The following IPO8 variants were observed in gnomAD, a reference collection of about 807,000 sequenced individuals.
The protein encoded by IPO8 is importin-8.
Under a neutral mutation model 141.2 loss-of-function variants are expected in IPO8, and 65 were observed. That is an observed-to-expected ratio of 0.46 (90% CI 0.38 to 0.57). The LOEUF (loss-of-function observed/expected upper bound fraction) is 0.57, where lower values mean the gene tolerates loss of function less well. Ranked by LOEUF, IPO8 falls within the 20% of genes least tolerant of loss-of-function variation. The pLI, the probability that IPO8 is intolerant of heterozygous loss-of-function variation, is 0.00. For synonymous variants in IPO8, 411 were observed against 420.3 expected (o/e 0.98, Z 0.27); for missense variants, 980 against 1,246.8 (o/e 0.79, Z 3.22).
chr12:30,664,958 T>C (rs539381726), intron 13 of IPO8, among the ~76,000 whole-genome samples: 1 of 152,306 alleles, frequency 6.6e-6, no homozygotes, highest in African/African-American at 2.4e-5. Flanking sequence ...CAGGCTGGTC[T>C]CAAACTCCCG....
At chr12:30,633,241 T>C (rs2136122335) in intron 23 of IPO8, among the ~76,000 whole-genome samples, 1 of 152,324 alleles carries the variant, frequency 6.6e-6, no homozygotes, top group Middle Eastern at 3.4e-3. Flanking sequence ...AATATTGCCT[T>C]ATTAGTAAAA....
Position 30,634,239 on chromosome 12 carries a change from T to C in IPO8, c.2743A>G (p.Met915Val), listed in dbSNP as rs764390668. Residue 915 changes from methionine to valine, a missense_variant, in exon 23 of 25, where the codon ATG becomes GTG. By Grantham distance (21) the Met-to-Val change is conservative. This residue lies in a region of IPO8 where 924 missense variants were observed against 1,153.9 expected (regional missense o/e 0.80). Coordinates refer to ENST00000256079, the MANE Select transcript of IPO8 (RefSeq NM_006390.4). ...TCACCTCTTCCATTATTTGACTGCA[T>C]TGCTTGAGCAGTTACATTTGTCTCC... is the stretch of plus-strand genomic sequence containing the variant. The part of the protein sequence containing the change: ...EEETNVTAQA[M>V]QSNNGRGEDE... The C allele has an allele frequency of 7.4e-6, 12 of 1,613,798 alleles. No individual in the cohort carries two copies. The highest frequency in any genetic ancestry group is 1.0e-5 in the Non-Finnish European group (12 of 1,179,822).
At chr12:30,646,789 A>T (rs1026047604) in intron 20 of IPO8, among the ~76,000 whole-genome samples, 1 of 152,208 alleles carries the variant, frequency 6.6e-6, no homozygotes. Context: ...TACTCTGATA[A>T]CAACCAAACA....
At chr12:30,648,601 A>G (rs1371254122) in intron 20 of IPO8, among the ~76,000 whole-genome samples, 2 of 152,222 alleles carry the variant, frequency 1.3e-5, no homozygotes, top group African/African-American at 4.8e-5. Flanking sequence ...AACTTACAGA[A>G]AAGAAAAATT....
At chr12:30,668,751 C>T (rs560731493) in intron 10 of IPO8, among the ~76,000 whole-genome samples, 2 of 152,268 alleles carry the variant, frequency 1.3e-5, no homozygotes, top group South Asian at 4.1e-4. Context: ...GGCCCCCATA[C>T]GAAATTTATT....
chr12:30,675,276 T>C (rs1591840517), intron 6 of IPO8, among the ~76,000 whole-genome samples: 2 of 152,314 alleles, frequency 1.3e-5, no homozygotes, highest in South Asian at 4.1e-4. Context: ...ATGAAACACA[T>C]CTTTTCCCTA....
intron 2 of IPO8, 54 bp downstream of exon 2, chr12:30,690,441 TC>T (rs2053280573): frequency 2.0e-6 from 2 of 982,432 alleles, no homozygotes; most frequent in Admixed American, 4.8e-5. Context: ...AAAATAAAAC[TC>T]TCATTCTACT....
intron 20 of IPO8, among the ~76,000 whole-genome samples, chr12:30,642,027 C>T (rs2052581311): frequency 6.6e-6 from 1 of 152,014 alleles, no homozygotes; most frequent in Admixed American, 6.5e-5. Context: ...AAACCCCCAT[C>T]TCTACTAAAA....
intron 21 of IPO8, 85 bp downstream of exon 21, chr12:30,639,430 T>A (rs1399481686): frequency 2.5e-6 from 2 of 811,624 alleles, no homozygotes; most frequent in Non-Finnish European, 4.1e-6. Flanking sequence ...ATGAAAATTA[T>A]CTTTGTACAT....
chr12:30,640,552 AAGATG>A (rs969643010), intron 20 of IPO8, among the ~76,000 whole-genome samples: 8 of 152,198 alleles, frequency 5.3e-5, no homozygotes, highest in Admixed American at 4.6e-4. Context: ...GCTCTCTACA[AAGATG>A]AGATAACTAG....
At chr12:30,668,540 C>A (rs2053001591) in intron 10 of IPO8, among the ~76,000 whole-genome samples, 1 of 152,146 alleles carries the variant, frequency 6.6e-6, no homozygotes, top group Admixed American at 6.6e-5. Context: ...AGGTAAAATT[C>A]CTGTCCTGAG....
Position 30,652,292 on chromosome 12 carries a change from G to GAA in IPO8, c.2075-5_2075-4dup, listed in dbSNP as rs3217462. The GAA allele has an allele frequency of 1.5e-4, 230 of 1,556,262 alleles. No individual in the cohort carries two copies. In the African/African-American group the frequency reaches 2.8e-3, roughly 19 times the overall value. On this transcript the variant is annotated splice_region_variant and splice_polypyrimidine_tract_variant and intron_variant, in intron 18 of 24. Coordinates refer to ENST00000256079, the MANE Select transcript of IPO8 (RefSeq NM_006390.4). ...ATTATGCAGGAGAGGCATCATGTCT[G>GAA]AAAAAAAATCAAAATCCCAATGAGA...
intron 2 of IPO8, among the ~76,000 whole-genome samples, chr12:30,685,648 G>A (rs769675792): frequency 2.0e-5 from 3 of 151,136 alleles, no homozygotes; most frequent in Non-Finnish European, 4.4e-5. Flanking sequence ...TTCATGACCC[G>A]GAGCAGTGAC....
Position 30,639,573 on chromosome 12 carries a change from CA to C in IPO8, c.2430del (p.Gly811AspfsTer8). 6.2e-7 allele frequency: 1 copy of C among 1,614,016 alleles called. No individual in the cohort carries two copies. Among genetic ancestry groups the C allele is most frequent in the Admixed American group, 1.7e-5 (1 of 60,018 alleles). On this transcript the variant is annotated frameshift_variant, in exon 21 of 25. Transcript: ENST00000256079. LOFTEE classifies it high-confidence loss of function. ...TLERIQLPHNPGPITVQFINQ... is the reference protein window; with the variant it reads ...TLERIQLPHNXGPITVQFINQ... ...TTTATAAACTGTACAGTGATAGGTCCAGGGTTGTGAGGCAACTGAATTCGTT... is the reference window on the plus strand; with the variant it reads ...TTTATAAACTGTACAGTGATAGGTCCGGGTTGTGAGGCAACTGAATTCGTT...
chr12:30,682,403 G>A (rs186138075), intron 3 of IPO8, among the ~76,000 whole-genome samples: 3 of 152,172 alleles, frequency 2.0e-5, no homozygotes, highest in Admixed American at 2.0e-4. Context: ...TTATTAGCGA[G>A]GCAATTCCTG....
chr12:30,677,158 CT>C, intron 5 of IPO8: 1 of 1,225,528 alleles, frequency 8.2e-7, no homozygotes, highest in Non-Finnish European at 1.1e-6. Context: ...CCTCACGAAG[CT>C]TACACTCTAA....
intron 23 of IPO8, among the ~76,000 whole-genome samples, chr12:30,632,680 C>T (rs576789117): frequency 1.3e-5 from 2 of 152,258 alleles, no homozygotes; most frequent in East Asian, 3.9e-4. Context: ...CTCTATACAT[C>T]TAAATTAATA....
Position 30,639,768 on chromosome 12 carries a change from A to T in IPO8, c.2269-33T>A, listed in dbSNP as rs757911609. On this transcript the variant is annotated intron_variant, in intron 20 of 24. Coordinates refer to ENST00000256079, the MANE Select transcript of IPO8 (RefSeq NM_006390.4). ...ACAAGCAAAAGAAAGTCAACCACACAGACAGCCCAAGTAACTTTTATAGAA... is the reference window on the plus strand; with the variant it reads ...ACAAGCAAAAGAAAGTCAACCACACTGACAGCCCAAGTAACTTTTATAGAA... The T allele has an allele frequency of 2.7e-6, 4 of 1,505,296 alleles. No individual in the cohort carries two copies. The South Asian group carries it at 4.5e-5, about 17-fold the overall frequency. 93.2% of individuals were successfully genotyped at this position (1,505,296 alleles called of 1,614,324 possible). A position where few individuals can be genotyped will look rare whatever the true frequency, so the allele number is the denominator to read the frequency against.
intron 8 of IPO8, among the ~76,000 whole-genome samples, chr12:30,672,092 T>A (rs540405988): frequency 6.6e-6 from 1 of 152,156 alleles, no homozygotes; most frequent in Non-Finnish European, 1.5e-5. Flanking sequence ...GAAAAAGCCA[T>A]GCCAAAGCAC....
Sources: allele counts gnomAD v4.1 joint callset (sites outside exome capture counted in the v4.1 genomes callset), GRCh38; gene constraint gnomAD v4.1.1; regional missense constraint gnomAD v4.1.1; transcripts MANE v1.5; gene names NCBI Gene and HGNC (gene_info 2026-07-23, HGNC 2026-07-21).